The following PKHD1 variants were observed in gnomAD, a reference collection of about 807,000 sequenced individuals.
PKHD1 encodes PKHD1 ciliary IPT domain containing fibrocystin/polyductin.
Under a neutral mutation model 412.0 loss-of-function variants are expected in PKHD1, and 291 were observed. The observed-to-expected ratio is 0.71, with a 90% CI of 0.64 to 0.78. The LOEUF (loss-of-function observed/expected upper bound fraction) is 0.78. Ranked by LOEUF, PKHD1 falls within the 30% of genes least tolerant of loss-of-function variation. PKHD1 has a pLI of 0.00. For missense variants in PKHD1, 4,825 were observed against 4,950.7 expected (o/e 0.97, Z 0.76); for synonymous variants, 1,777 against 1,821.5 (o/e 0.98, Z 0.62).
At chr6:51,639,617 C>T (rs527495374) in intron 63 of PKHD1, among the ~76,000 whole-genome samples, 89 of 152,142 alleles carry the variant, frequency 5.8e-4, no homozygotes, top group Middle Eastern at 3.4e-3. Flanking sequence ...AAAACCCTTG[C>T]GTCTTCTAAC....
At chr6:51,683,912 C>T (rs1777057765) in intron 60 of PKHD1, among the ~76,000 whole-genome samples, 1 of 152,026 alleles carries the variant, frequency 6.6e-6, no homozygotes, top group Non-Finnish European at 1.5e-5. Flanking sequence ...AACAAATTCT[C>T]CTTCTCTTTT....
At position 51,748,081 on chromosome 6, in the gene PKHD1, G is replaced by A. The variant is rs897671588; in HGVS notation, c.9535C>T (p.Leu3179Phe). Reference sequence around the variant, plus strand: ...GAAAATACATACACTACTGCCAAAAGACCAATAGTATTGTCTACCAGAGTA... The same window carrying A: ...GAAAATACATACACTACTGCCAAAAAACCAATAGTATTGTCTACCAGAGTA... Reference protein sequence around the residue: ...NITLVDNTIGLLAVVYVFSAP... With the variant: ...NITLVDNTIGFLAVVYVFSAP... The change falls in exon 58 of 67, where the codon CTT (leucine) becomes TTT (phenylalanine). Residue 3179 changes from leucine (L) to phenylalanine (F), a missense_variant. By Grantham distance (22) the Leu-to-Phe change is conservative. Transcript: ENST00000371117. 8.1e-6 allele frequency: 13 copies of A among 1,613,904 alleles called. No individual in the cohort carries two copies. Among genetic ancestry groups the A allele is most frequent in the Non-Finnish European group, 1.1e-5 (13 of 1,179,818 alleles).
At chr6:51,693,829 T>A (rs1411701898) in intron 60 of PKHD1, among the ~76,000 whole-genome samples, 1 of 152,224 alleles carries the variant, frequency 6.6e-6, no homozygotes, top group East Asian at 1.9e-4. Context: ...CATTAATTCA[T>A]TTAATCTCCA....
In PKHD1 at chr6:52,055,969, T is replaced by C. The variant is rs151272099; in HGVS notation, c.1694-240A>G. On this transcript the variant is annotated intron_variant, in intron 18 of 66. Coordinates refer to ENST00000371117, the MANE Select transcript of PKHD1 (RefSeq NM_138694.4). ...GACAAAGTTGTTGGCACAAGAAGAC[T>C]TTAGAGCAGGAGTTTTCAACCTCAG... Among the ~76,000 whole-genome samples the C allele has an allele frequency of 3.8e-3, 582 of 152,344 alleles. 4 individuals are homozygous for C. Among genetic ancestry groups the C allele is most frequent in the African/African-American group, 0.013 (540 of 41,584 alleles).
chr6:51,623,933 T>G lies in PKHD1; in HGVS notation c.11785+3064A>C, dbSNP rs148200349. Among the ~76,000 whole-genome samples, 714 of 152,316 alleles carry G rather than the reference T, an allele frequency of 4.7e-3. 8 individuals carry two copies. The highest frequency in any genetic ancestry group is 0.017 in the African/African-American group (689 of 41,580). On this transcript the variant is annotated intron_variant, in intron 66 of 66. Transcript: ENST00000371117. ...GTTTCTTAGCATTCCAAAATATATGTTATAAAATTATGGTAAGAATGACTT... is the reference window on the plus strand; with the variant it reads ...GTTTCTTAGCATTCCAAAATATATGGTATAAAATTATGGTAAGAATGACTT...
In PKHD1 at chr6:51,757,776, G is replaced by A. The variant is rs748147081; in HGVS notation, c.8643-2838C>T. ...CCAGTACTTTGGGAAGCCAAGACAG[G>A]AAGATCACTTGAACCCAGGAGTTCA... On this transcript the variant is annotated intron_variant, in intron 55 of 66. Coordinates refer to ENST00000371117, the MANE Select transcript of PKHD1 (RefSeq NM_138694.4). Among the ~76,000 whole-genome samples the A allele has an allele frequency of 1.6e-4, 25 of 151,938 alleles. 1 individual carries two copies. Among genetic ancestry groups the A allele is most frequent in the Non-Finnish European group, 3.4e-4 (23 of 67,988 alleles).
At position 51,883,191 on chromosome 6, in the gene PKHD1, T is replaced by C. The variant is rs200122706; in HGVS notation, c.7252A>G (p.Lys2418Glu). Reference sequence around the variant, plus strand: ...CCAAAATCTCTGCATGAATAAACTTTGAAGTTTTTCAGGCGAAGATTGCTA... The same window carrying C: ...CCAAAATCTCTGCATGAATAAACTTCGAAGTTTTTCAGGCGAAGATTGCTA... ...RSSNLRLKNF[K>E]VYSCRDFGID... is the part of the protein sequence containing the mutation. Residue 2418 changes from lysine to glutamate, a missense_variant, in exon 46 of 67, where the codon AAA becomes GAA. By Grantham distance (56) the Lys-to-Glu change is moderately conservative (BLOSUM62 1). Transcript: ENST00000371117. 2 of 1,612,130 alleles carry C rather than the reference T, an allele frequency of 1.2e-6. No individual in the cohort carries two copies. Among genetic ancestry groups the C allele is most frequent in the Non-Finnish European group, 1.7e-6 (2 of 1,178,204 alleles).
chr6:51,892,662 C>T (rs549844156), intron 43 of PKHD1, among the ~76,000 whole-genome samples: 26 of 152,036 alleles, frequency 1.7e-4, no homozygotes, highest in Non-Finnish European at 3.5e-4. Context: ...GAAAGACAAG[C>T]CTAAATATGA....
chr6:52,004,810 A>G (rs904472289), intron 35 of PKHD1, among the ~76,000 whole-genome samples: 5 of 152,128 alleles, frequency 3.3e-5, no homozygotes, highest in Admixed American at 6.5e-5. Context: ...AGCATTTGAA[A>G]TCTTCTAGTA....
intron 63 of PKHD1, among the ~76,000 whole-genome samples, chr6:51,642,284 C>G (rs1016667873): frequency 6.6e-6 from 1 of 151,922 alleles, no homozygotes; most frequent in African/African-American, 2.4e-5. Context: ...AAGTAAGGTA[C>G]TGGGTATAAA....
chr6:51,837,162 G>A (rs894439276), intron 50 of PKHD1, among the ~76,000 whole-genome samples: 18 of 152,098 alleles, frequency 1.2e-4, no homozygotes, highest in Admixed American at 8.5e-4. Flanking sequence ...GTGCTCTCAC[G>A]CCTGATTAAT....
At chr6:51,635,860 G>C (rs1421005597) in intron 64 of PKHD1, among the ~76,000 whole-genome samples, 1 of 119,396 alleles carries the variant, frequency 8.4e-6, no homozygotes, top group Non-Finnish European at 1.8e-5. Flanking sequence ...GGTGAAGGTG[G>C]GGGGGGGCGG....
chr6:52,059,976 A>G lies in PKHD1; in HGVS notation c.1185T>C (p.Asp395=), dbSNP rs1896976. The part of the protein sequence containing the change: ...TNNYTFWIQA[D]SQASLHFSWS... ...AACTGAAATGCAAGGAAGCTTGGCT[A>G]TCTGCCTGAATCCAGAAAGTGTAAT... The change falls in exon 15 of 67, where the codon GAT becomes GAC. Residue 395 remains aspartate, a synonymous_variant. Transcript: ENST00000371117. The G allele has an allele frequency of 0.99, 1,599,074 of 1,609,952 alleles. 794,682 individuals are homozygous for G. The highest frequency in any genetic ancestry group is 1 in the East Asian group (44,870 of 44,870).
intron 37 of PKHD1, among the ~76,000 whole-genome samples, chr6:51,931,853 A>AAGGAGAGGGAGGG (rs1372460506): frequency 6.7e-6 from 1 of 149,934 alleles, no homozygotes; most frequent in African/African-American, 2.4e-5. Flanking sequence ...AAGGAGAATA[A>AAGGAGAGGGAGGG]AGGAGAGGGA....
intron 32 of PKHD1, among the ~76,000 whole-genome samples, chr6:52,023,331 T>G (rs1044731162): frequency 2.6e-5 from 4 of 152,206 alleles, no homozygotes; most frequent in African/African-American, 9.6e-5. Flanking sequence ...CCTTCCAGAA[T>G]TTTTAAGCAT....
intron 6 of PKHD1, among the ~76,000 whole-genome samples, chr6:52,075,476 G>A (rs994043255): frequency 2.0e-5 from 3 of 152,180 alleles, no homozygotes; most frequent in Admixed American, 2.0e-4. Flanking sequence ...GAATCAGACA[G>A]CAAATTATAT....
chr6:51,978,103 T>C (rs1188586494), intron 35 of PKHD1, among the ~76,000 whole-genome samples: 1 of 152,108 alleles, frequency 6.6e-6, no homozygotes, highest in African/African-American at 2.4e-5. Flanking sequence ...CCACACATGA[T>C]GTCTCCTTTG....
intron 60 of PKHD1, among the ~76,000 whole-genome samples, chr6:51,694,276 G>A (rs572461328): frequency 6.6e-6 from 1 of 151,908 alleles, no homozygotes; most frequent in Admixed American, 6.6e-5. Context: ...TAATTTTACT[G>A]ATCTTTTTCA....
At chr6:51,626,744 C>T (rs1024127833) in intron 66 of PKHD1, among the ~76,000 whole-genome samples, 2 of 152,096 alleles carry the variant, frequency 1.3e-5, no homozygotes, top group African/African-American at 2.4e-5. Flanking sequence ...ATGTAACAAA[C>T]TCAAATGTTA....
Sources: gnomAD v4.1 joint callset for allele counts (sites outside exome capture counted in the v4.1 genomes callset) on GRCh38, gnomAD v4.1.1 for gene constraint, MANE v1.5 for transcripts, NCBI Gene and HGNC (gene_info 2026-07-23, HGNC 2026-07-21) for gene names.